The following CADM2 variants were observed in gnomAD, a reference collection of about 807,000 sequenced individuals.
The protein encoded by CADM2 is cell adhesion molecule 2, also known as immunoglobulin superfamily member 4D.
A neutral mutation model predicts 49.8 loss-of-function variants in CADM2; 12 were observed. The observed-to-expected ratio is 0.24, with a 90% CI of 0.15 to 0.39. CADM2 has a LOEUF of 0.39. Among genes scored for constraint, CADM2 ranks in the 10% least tolerant of loss-of-function variants. The probability of loss-of-function intolerance (pLI) is 1.00; values close to 1 mark genes in which losing one functional copy is unlikely to be tolerated. For synonymous variants in CADM2, 214 were observed against 175.4 expected, an observed-to-expected ratio of 1.22 and a Z score of -1.74; for missense variants, 378 against 492.3, an observed-to-expected ratio of 0.77 and a Z score of 2.20.
At chr3:85,340,146 GA>G (rs1390549476) in intron 1 of CADM2, among the ~76,000 whole-genome samples, 3 of 151,438 alleles carry the variant, frequency 2.0e-5, no homozygotes, top group African/African-American at 7.2e-5. Flanking sequence ...AAAATAATCT[GA>G]AAAAGTACAC....
At chr3:85,609,599 C>T (rs1369228413) in intron 1 of CADM2, among the ~76,000 whole-genome samples, 3 of 151,978 alleles carry the variant, frequency 2.0e-5, no homozygotes, top group African/African-American at 7.2e-5. Context: ...AGATTTACAG[C>T]CTGGAATTTG....
chr3:85,920,449 A>C (rs1272002269), intron 6 of CADM2, among the ~76,000 whole-genome samples: 1 of 151,880 alleles, frequency 6.6e-6, no homozygotes, highest in East Asian at 1.9e-4. Flanking sequence ...AAAGCTACTG[A>C]AATGGTATAT....
intron 8 of CADM2, among the ~76,000 whole-genome samples, chr3:86,008,770 T>C (rs1349658684): frequency 1.3e-5 from 2 of 152,032 alleles, no homozygotes; most frequent in African/African-American, 4.8e-5. Context: ...ATTTCATTAA[T>C]AAGGTTATCT....
intron 3 of CADM2, among the ~76,000 whole-genome samples, chr3:85,811,013 A>C (rs539523059): frequency 6.6e-6 from 1 of 152,318 alleles, no homozygotes; most frequent in Middle Eastern, 3.4e-3. Flanking sequence ...TATATGCTAT[A>C]AATTTTGGCA....
chr3:85,984,711 T>A (rs941339062), intron 8 of CADM2, among the ~76,000 whole-genome samples: 1 of 151,932 alleles, frequency 6.6e-6, no homozygotes, highest in Non-Finnish European at 1.5e-5. Flanking sequence ...CATTTCAATG[T>A]ACCAGATAGG....
At chr3:85,779,048 G>T (rs2070498473) in intron 2 of CADM2, among the ~76,000 whole-genome samples, 1 of 152,068 alleles carries the variant, frequency 6.6e-6, no homozygotes, top group African/African-American at 2.4e-5. Flanking sequence ...TTAAATCTAG[G>T]GGTGAAATTT....
chr3:85,955,801 C>G (rs976310294), intron 7 of CADM2, among the ~76,000 whole-genome samples: 3 of 151,328 alleles, frequency 2.0e-5, no homozygotes, highest in Non-Finnish European at 3.0e-5. Context: ...AAACAAAACA[C>G]CGAGTTAATA....
chr3:85,363,003 G>A (rs1441975151), intron 1 of CADM2, among the ~76,000 whole-genome samples: 1 of 152,120 alleles, frequency 6.6e-6, no homozygotes, highest in Non-Finnish European at 1.5e-5. Flanking sequence ...ATGGTGTCAT[G>A]GATAAAATCT....
At chr3:86,021,073 C>G (rs1733101039) in intron 8 of CADM2, among the ~76,000 whole-genome samples, 1 of 152,162 alleles carries the variant, frequency 6.6e-6, no homozygotes, top group South Asian at 2.1e-4. Flanking sequence ...GATCTCGGCT[C>G]ACTGCAACCT....
intron 1 of CADM2, among the ~76,000 whole-genome samples, chr3:85,369,720 A>G (rs948685699): frequency 2.0e-5 from 3 of 152,126 alleles, no homozygotes; most frequent in East Asian, 1.9e-4. Context: ...CCTCTAATCT[A>G]TGGAGGTATT....
chr3:84,999,162 G>A (rs1382674690), intron 1 of CADM2, among the ~76,000 whole-genome samples: 1 of 152,080 alleles, frequency 6.6e-6, no homozygotes, highest in Admixed American at 6.6e-5. Flanking sequence ...TGCAATGTTA[G>A]CTTTATGTAG....
chr3:85,774,077 C>T (rs2070234988), intron 2 of CADM2, among the ~76,000 whole-genome samples: 1 of 151,810 alleles, frequency 6.6e-6, no homozygotes, highest in South Asian at 2.1e-4. Flanking sequence ...CCTTTATCTA[C>T]ATTTTTAAAG....
At chr3:85,735,571 C>T (rs971416140) in intron 2 of CADM2, among the ~76,000 whole-genome samples, 7 of 151,974 alleles carry the variant, frequency 4.6e-5, no homozygotes, top group Admixed American at 1.3e-4. Context: ...TTTGGTTGCT[C>T]TGGTGAAAAA....
chr3:85,725,170 A>T (rs527632945), intron 1 of CADM2, among the ~76,000 whole-genome samples: 1 of 152,036 alleles, frequency 6.6e-6, no homozygotes, highest in South Asian at 2.1e-4. Flanking sequence ...TTTGTCTGGT[A>T]AAAATTTTAT....
At chr3:85,497,301 C>T (rs1400183597) in intron 1 of CADM2, among the ~76,000 whole-genome samples, 1 of 152,074 alleles carries the variant, frequency 6.6e-6, no homozygotes, top group Non-Finnish European at 1.5e-5. Flanking sequence ...TACAAGAATA[C>T]TGACCCTCAC....
At position 85,265,298 on chromosome 3, in the gene CADM2, TA is replaced by T. The variant is rs549867860; in HGVS notation, c.61+305631del. Among the ~76,000 whole-genome samples the T allele has an allele frequency of 3.4e-4, 51 of 150,664 alleles. 1 individual carries two copies. Among genetic ancestry groups the T allele is most frequent in the Admixed American group, 8.6e-4 (13 of 15,196 alleles). The stretch of plus-strand genomic sequence containing the variant: ...TAATTGTGAATGTACTATCAAGGAA[TA>T]TTTTTTTTTGTGTTAGTATTTTTAT... On this transcript the variant is annotated intron_variant, in intron 1 of 9. Transcript: ENST00000383699.
chr3:85,268,950 T>C (rs1021110521), intron 1 of CADM2, among the ~76,000 whole-genome samples: 2 of 151,372 alleles, frequency 1.3e-5, no homozygotes, highest in East Asian at 3.9e-4. Flanking sequence ...AAGAAATCAT[T>C]CTTCAAATTT....
intron 1 of CADM2, among the ~76,000 whole-genome samples, chr3:85,614,901 T>A (rs1230632391): frequency 3.3e-5 from 5 of 152,000 alleles, no homozygotes; most frequent in Non-Finnish European, 7.4e-5. Context: ...CTAGGTGAAC[T>A]TAGTGTCTTT....
intron 1 of CADM2, among the ~76,000 whole-genome samples, chr3:85,681,772 C>A (rs769684470): frequency 5.3e-5 from 8 of 152,022 alleles, no homozygotes; most frequent in Admixed American, 1.3e-4. Context: ...AATTAAATAG[C>A]ATATTTTTAC....
Sources: allele counts gnomAD v4.1 joint callset (sites outside exome capture counted in the v4.1 genomes callset), GRCh38; gene constraint gnomAD v4.1.1; transcripts MANE v1.5; gene names NCBI Gene and HGNC (gene_info 2026-07-23, HGNC 2026-07-21).